Variants in TNFSF4 observed in about 807,000 individuals in gnomAD.
TNFSF4 encodes the protein tumor necrosis factor ligand superfamily member 4.
TNFSF4 carries 4 observed loss-of-function variants against 7.3 expected under a neutral mutation model. The ratio of observed to expected loss-of-function variants is 0.55; its 90% CI spans 0.27 to 1.25. TNFSF4 has a LOEUF of 1.25. Among genes scored for constraint, TNFSF4 ranks in the 50% most tolerant of loss-of-function variants. The pLI is 0.12. For synonymous variants in TNFSF4, 76 were observed against 83.7 expected (o/e 0.91, Z 0.50); for missense variants, 181 against 208.8 (o/e 0.87, Z 0.82).
the TNFSF4 span, among the ~76,000 whole-genome samples, chr1:173,450,449 A>G: frequency 1.3e-5 from 2 of 152,076 alleles, no homozygotes; most frequent in African/African-American, 4.8e-5. Context: ...ATTACCCAAT[A>G]AAACCAAAGA....
chr1:173,241,590 T>C, the TNFSF4 span, among the ~76,000 whole-genome samples: 2 of 152,324 alleles, frequency 1.3e-5, no homozygotes, highest in East Asian at 1.9e-4. Context: ...GAGTACAGGA[T>C]GGCTGAGCAC....
chr1:173,240,254 G>A, the TNFSF4 span, among the ~76,000 whole-genome samples: 1 of 152,054 alleles, frequency 6.6e-6, no homozygotes, highest in Non-Finnish European at 1.5e-5. Context: ...AGTCAAGGTA[G>A]GGCCTCTTGT....
the TNFSF4 span, among the ~76,000 whole-genome samples, chr1:173,446,014 AC>A: frequency 6.6e-6 from 1 of 152,220 alleles, no homozygotes; most frequent in Non-Finnish European, 1.5e-5. Context: ...TTAATGAAAA[AC>A]ATCCAAATTA....
At chr1:173,190,088 T>C (rs939090121) in intron 1 of TNFSF4, among the ~76,000 whole-genome samples, 2 of 150,386 alleles carry the variant, frequency 1.3e-5, no homozygotes, top group East Asian at 3.9e-4. Flanking sequence ...TGGTGGCACA[T>C]GCCTGTAATC....
At chr1:173,367,751 A>G in the TNFSF4 span, among the ~76,000 whole-genome samples, 1 of 152,188 alleles carries the variant, frequency 6.6e-6, no homozygotes, top group African/African-American at 2.4e-5. Flanking sequence ...GAGGACACTC[A>G]GGGAAAAGGA....
the TNFSF4 span, among the ~76,000 whole-genome samples, chr1:173,335,414 A>G: frequency 6.6e-6 from 1 of 152,268 alleles, no homozygotes; most frequent in African/African-American, 2.4e-5. Flanking sequence ...ACATTACAGT[A>G]GAAATAGCCC....
the TNFSF4 span, among the ~76,000 whole-genome samples, chr1:173,232,769 A>C: frequency 6.6e-6 from 1 of 152,084 alleles, no homozygotes; most frequent in Non-Finnish European, 1.5e-5. Context: ...GCTGGATTAC[A>C]TTTATTGATT....
chr1:173,306,152 T>C, the TNFSF4 span, among the ~76,000 whole-genome samples: 1 of 151,850 alleles, frequency 6.6e-6, no homozygotes, highest in African/African-American at 2.4e-5. Flanking sequence ...CCTTTCTTAG[T>C]GGTATATAAA....
chr1:173,317,423 G>A, the TNFSF4 span, among the ~76,000 whole-genome samples: 1 of 152,156 alleles, frequency 6.6e-6, no homozygotes, highest in Non-Finnish European at 1.5e-5. Flanking sequence ...CTCTGGTGTT[G>A]GTGCTAGGAT....
chr1:173,327,208 C>T, the TNFSF4 span, among the ~76,000 whole-genome samples: 31 of 152,186 alleles, frequency 2.0e-4, no homozygotes, highest in East Asian at 7.7e-4. Flanking sequence ...TCAGAAATAA[C>T]GCCGCATATC....
chr1:173,241,017 T>C, the TNFSF4 span, among the ~76,000 whole-genome samples: 2 of 152,234 alleles, frequency 1.3e-5, no homozygotes, highest in African/African-American at 4.8e-5. Context: ...CTATTGAATT[T>C]ACTATGTTTT....
At chr1:173,403,046 C>T in the TNFSF4 span, among the ~76,000 whole-genome samples, 1 of 152,034 alleles carries the variant, frequency 6.6e-6, no homozygotes, top group Non-Finnish European at 1.5e-5. Context: ...GAGATGGTAT[C>T]TCCCTATGTT....
the TNFSF4 span, among the ~76,000 whole-genome samples, chr1:173,244,361 G>A: frequency 2.0e-5 from 3 of 152,174 alleles, no homozygotes; most frequent in South Asian, 4.2e-4. Flanking sequence ...ACATAAACCC[G>A]GCCGGGCGCG....
chr1:173,248,094 A>C, the TNFSF4 span, among the ~76,000 whole-genome samples: 1 of 152,072 alleles, frequency 6.6e-6, no homozygotes, highest in Admixed American at 6.5e-5. Flanking sequence ...AGTGGCTCGC[A>C]CCTGTAATCC....
the TNFSF4 span, among the ~76,000 whole-genome samples, chr1:173,415,626 G>A: frequency 3.9e-5 from 6 of 152,222 alleles, no homozygotes; most frequent in African/African-American, 1.4e-4. Context: ...CCCTGACTTT[G>A]GTGTTCTCAG....
chr1:173,218,645 G>A, the TNFSF4 span, among the ~76,000 whole-genome samples: 5 of 151,396 alleles, frequency 3.3e-5, no homozygotes, highest in Admixed American at 6.6e-5. Context: ...ACATTACATC[G>A]AAGCTCCTCT....
At chr1:173,244,385 G>A in the TNFSF4 span, among the ~76,000 whole-genome samples, 3 of 152,056 alleles carry the variant, frequency 2.0e-5, no homozygotes, top group Non-Finnish European at 4.4e-5. Context: ...GCTCACGCCT[G>A]TAATCCCAGC....
At chr1:173,319,218 G>A in the TNFSF4 span, among the ~76,000 whole-genome samples, 2 of 152,170 alleles carry the variant, frequency 1.3e-5, no homozygotes, top group African/African-American at 4.8e-5. Context: ...GTGCTAAAGG[G>A]TCTGGGAGGT....
chr1:173,254,345 A>C, the TNFSF4 span, among the ~76,000 whole-genome samples: 842 of 152,300 alleles, frequency 5.5e-3, 8 homozygotes, highest in Middle Eastern at 0.041. Flanking sequence ...CAAGGAAACA[A>C]AATAGTAGGG....
Sources: gnomAD v4.1 joint callset for allele counts (sites outside exome capture counted in the v4.1 genomes callset) on GRCh38, gnomAD v4.1.1 for gene constraint, MANE v1.5 for transcripts, NCBI Gene and HGNC (gene_info 2026-07-23, HGNC 2026-07-21) for gene names.